Variants in NCOR2 observed in about 807,000 individuals in gnomAD.
NCOR2 encodes the protein nuclear receptor corepressor 2, also known as CTG repeat protein 26.
In NCOR2, 81 loss-of-function variants were observed where a neutral mutation model predicts 262.9. The observed-to-expected ratio is 0.31, with a 90% CI of 0.26 to 0.37. The LOEUF is 0.37. Ranked by LOEUF, NCOR2 falls within the 10% of genes least tolerant of loss-of-function variation. The probability of loss-of-function intolerance (pLI) is 1.00; values close to 1 mark genes in which losing one functional copy is unlikely to be tolerated. For missense variants in NCOR2, 3,385 were observed against 3,621.4 expected, an observed-to-expected ratio of 0.93 and a Z score of 1.68; for synonymous variants, 1,659 against 1,559.3, an observed-to-expected ratio of 1.06 and a Z score of -1.51.
exon 15 of NCOR2, chr12:124,400,511 G>C: frequency 6.2e-7 from 1 of 1,613,322 alleles, no homozygotes; most frequent in Non-Finnish European, 8.5e-7. Flanking sequence ...CCAGCTCGGC[G>C]CTCTGCTGGG....
At chr12:124,399,888 G>T (rs900196728) in intron 15 of NCOR2, among the ~76,000 whole-genome samples, 2 of 152,120 alleles carry the variant, frequency 1.3e-5, no homozygotes, top group Non-Finnish European at 2.9e-5. Context: ...CTTTCTGGGA[G>T]GGTAGTGAGG....
chr12:124,420,185 C>A, intron 12 of NCOR2, 130 bp from the exon 15 acceptor site: 1 of 656,886 alleles, frequency 1.5e-6, no homozygotes. Flanking sequence ...GGACAGATGA[C>A]CTAACCTCTG....
intron 7 of NCOR2, among the ~76,000 whole-genome samples, chr12:124,441,459 A>G (rs1357065840): frequency 6.6e-6 from 1 of 152,230 alleles, no homozygotes; most frequent in Non-Finnish European, 1.5e-5. Context: ...GAAGGGACAG[A>G]TCTTTCTTCT....
At chr12:124,390,925 G>A (rs188535402) in intron 16 of NCOR2, among the ~76,000 whole-genome samples, 2 of 152,266 alleles carry the variant, frequency 1.3e-5, no homozygotes, top group Non-Finnish European at 2.9e-5. Context: ...ACGCCGAGTG[G>A]AGAGCCAGGC....
chr12:124,393,169 G>C (rs1232234962), intron 16 of NCOR2, among the ~76,000 whole-genome samples: 1 of 152,208 alleles, frequency 6.6e-6, no homozygotes, highest in Non-Finnish European at 1.5e-5. Flanking sequence ...AGGCTTCCAA[G>C]CCAGGCCAGG....
At chr12:124,370,884 T>TGCACCTGTGATCCAAGGTGA (rs2039448156) in intron 20 of NCOR2, among the ~76,000 whole-genome samples, 1 of 152,134 alleles carries the variant, frequency 6.6e-6, no homozygotes, top group South Asian at 2.1e-4. Context: ...GGGGAACCTC[T>TGCACCTGTGATCCAAGGTGA]GCACCTGTGA....
rs775451734 is a variant in NCOR2 at position 124,356,683 on chromosome 12, G to A, written c.3200C>T (p.Pro1067Leu). 12 of 1,472,862 alleles carry A rather than the reference G, an allele frequency of 8.1e-6. No homozygotes were observed. The highest frequency in any genetic ancestry group is 5.8e-5 in the South Asian group (4 of 69,032). The allele number at this position is 1,472,862 out of a possible 1,614,324, so 91.2% of individuals were successfully genotyped here. Residue 1067 changes from proline to leucine, a missense_variant, in exon 23 of 47, where the codon CCG (proline) becomes CTG (leucine). Coordinates refer to ENST00000405201, the Ensembl canonical transcript of NCOR2. ...GAAGGCTGAGGGGTCCGGGGCATGC[G>A]GGGAGGCCTTGATCACCTCACGGGG...
chr12:124,550,644 A>G (rs552872477), intron 1 of NCOR2, among the ~76,000 whole-genome samples: 1 of 152,230 alleles, frequency 6.6e-6, no homozygotes, highest in South Asian at 2.1e-4. Context: ...TTTCCAGCTT[A>G]TAGAGAACAC....
At position 124,440,031 on chromosome 12, in the gene NCOR2, C is replaced by T. The variant is rs2044719989; in HGVS notation, c.816-2035G>A. 6.6e-6 allele frequency among the ~76,000 whole-genome samples: 1 copy of T among 151,876 alleles called. No homozygotes were observed. The highest frequency in any genetic ancestry group is 6.6e-5 in the Admixed American group (1 of 15,264). On this transcript the variant is annotated intron_variant, in intron 7 of 46. Transcript: ENST00000405201. This position sits in a 1 kb window ranked among gnomAD's most constrained non-coding sequence, Gnocchi z 5.7. ...TTCCCAGGCCCCTCCCCACGGTCTC[C>T]AACACACAAAGCAGGGTGCTGCAGC...
chr12:124,340,514 GAA>G, intron 35 of NCOR2, 71 bp from the exon 38 acceptor site: 1 of 1,572,154 alleles, frequency 6.4e-7, no homozygotes. Flanking sequence ...TCTGGGGTGG[GAA>G]AGAGAGCAGG....
At chr12:124,357,675 G>A (rs1000716807) in intron 22 of NCOR2, among the ~76,000 whole-genome samples, 1 of 152,274 alleles carries the variant, frequency 6.6e-6, no homozygotes, top group Admixed American at 6.5e-5. Flanking sequence ...TGGCAGAGCT[G>A]AATCCTTGCA....
At chr12:124,438,668 T>G (rs2044528552) in intron 7 of NCOR2, among the ~76,000 whole-genome samples, 1 of 102,106 alleles carries the variant, frequency 9.8e-6, no homozygotes, top group African/African-American at 2.9e-5. Flanking sequence ...AGACGGGAGT[T>G]TCAGAGAGAG....
intron 13 of NCOR2, among the ~76,000 whole-genome samples, chr12:124,412,611 C>G (rs930842934): frequency 6.6e-6 from 1 of 152,332 alleles, no homozygotes. Flanking sequence ...AAGGGCCGTT[C>G]CAGCTTGAGT....
At chr12:124,372,094 G>A in exon 20 of NCOR2, 1 of 1,603,620 alleles carries the variant, frequency 6.2e-7, no homozygotes, top group Non-Finnish European at 8.5e-7. Context: ...GCTGTCCTGG[G>A]GGGCGCCCGA....
chr12:124,551,637 T>C (rs2051717051), intron 1 of NCOR2, among the ~76,000 whole-genome samples: 1 of 152,178 alleles, frequency 6.6e-6, no homozygotes, highest in Non-Finnish European at 1.5e-5. Context: ...CCACATAGTC[T>C]GTGACAAGCC....
At chr12:124,458,124 G>C (rs2045976373) in intron 5 of NCOR2, among the ~76,000 whole-genome samples, 1 of 152,244 alleles carries the variant, frequency 6.6e-6, no homozygotes, top group African/African-American at 2.4e-5. Context: ...CTCAGTATTT[G>C]GCAAGGACTA....
At chr12:124,327,381 G>GGGGGC (rs1270609542) in intron 45 of NCOR2, 28 bp downstream of exon 47, 6 of 1,549,056 alleles carry the variant, frequency 3.9e-6, no homozygotes, top group African/African-American at 1.4e-5. Flanking sequence ...GGGGACAGAC[G>GGGGGC]GGGGCGGGGC....
chr12:124,423,143 T>C (rs2043318023), intron 11 of NCOR2, among the ~76,000 whole-genome samples: 1 of 152,188 alleles, frequency 6.6e-6, no homozygotes, highest in Non-Finnish European at 1.5e-5. Context: ...CCAACTGGCT[T>C]CCTGCGTAGC....
intron 7 of NCOR2, among the ~76,000 whole-genome samples, chr12:124,445,846 CAAAAG>C (rs1389086951): frequency 2.0e-5 from 3 of 152,192 alleles, no homozygotes; most frequent in Admixed American, 6.5e-5. Flanking sequence ...TCTCTGTAGA[CAAAAG>C]AAAGAAGAAC....
Sources: gnomAD v4.1 joint callset for allele counts (sites outside exome capture counted in the v4.1 genomes callset) on GRCh38, gnomAD v4.1.1 for gene constraint, Gnocchi (gnomAD v3.1) non-coding constraint, MANE v1.5 for transcripts, NCBI Gene and HGNC (gene_info 2026-07-23, HGNC 2026-07-21) for gene names.